OPHN1: variants seen among roughly 807,000 people sequenced by gnomAD.
The protein encoded by OPHN1 is oligophrenin-1.
In OPHN1, 11 loss-of-function variants were observed where a neutral mutation model predicts 60.7. The observed-to-expected ratio is 0.18, with a 90% CI of 0.11 to 0.30. The LOEUF (loss-of-function observed/expected upper bound fraction) is 0.30. Ranked by LOEUF, OPHN1 falls within the 10% of genes least tolerant of loss-of-function variation. The probability of loss-of-function intolerance (pLI) is 1.00; values close to 1 mark genes in which losing one functional copy is unlikely to be tolerated. For missense variants in OPHN1, 449 were observed against 611.0 expected (o/e 0.73, Z 2.80); for synonymous variants, 226 against 222.6 (o/e 1.02, Z -0.14).
chrX:68,259,165 T>C (rs1372025186), intron 5 of OPHN1, among the ~76,000 whole-genome samples: 1 of 111,783 alleles, frequency 8.9e-6, no homozygotes, highest in Non-Finnish European at 1.9e-5. Flanking sequence ...CATCCATCAA[T>C]AAGAGAATGA....
chrX:68,190,323 A>C (rs1023220101), intron 15 of OPHN1, among the ~76,000 whole-genome samples: 4 of 112,456 alleles, frequency 3.6e-5, no homozygotes, highest in Non-Finnish European at 7.5e-5. Context: ...ACAATGATTG[A>C]TGCCCGGGTA....
intron 15 of OPHN1, among the ~76,000 whole-genome samples, chrX:68,167,707 G>A (rs748016909): frequency 5.1e-5 from 4 of 77,954 alleles, no homozygotes; most frequent in Admixed American, 3.7e-4. Context: ...ACACATATGT[G>A]TATATGTGTG....
In OPHN1 at chrX:68,216,434, TAG is replaced by T. The variant is rs79732396; in HGVS notation, c.487-2464_487-2463del. On this transcript the variant is annotated intron_variant, in intron 6 of 24. Coordinates refer to ENST00000355520, the MANE Select transcript of OPHN1 (RefSeq NM_002547.3). The stretch of plus-strand genomic sequence containing the variant: ...TCAGTGATCTAAAAAAATTAAAAGA[TAG>T]ACTGTCATAGTGCACAAAAATTAAG... 1.2e-3 allele frequency among the ~76,000 whole-genome samples: 136 copies of T among 110,968 alleles called. 2 individuals carry two copies. The East Asian group carries it at 0.037, about 30-fold the overall frequency.
chrX:68,152,417 C>G (rs2077288800), intron 15 of OPHN1, among the ~76,000 whole-genome samples: 1 of 110,335 alleles, frequency 9.1e-6, no homozygotes, highest in Non-Finnish European at 1.9e-5. Context: ...CAGACCCTTT[C>G]TTCATTGTCC....
At chrX:68,216,993 C>A (rs1358663983) in intron 6 of OPHN1, among the ~76,000 whole-genome samples, 1 of 111,928 alleles carries the variant, frequency 8.9e-6, no homozygotes, top group Non-Finnish European at 1.9e-5. Context: ...AGACGGGTGA[C>A]TTCTGCATTT....
At chrX:68,104,193 T>C (rs2077071873) in intron 18 of OPHN1, among the ~76,000 whole-genome samples, 1 of 111,844 alleles carries the variant, frequency 8.9e-6, no homozygotes, top group Non-Finnish European at 1.9e-5. Flanking sequence ...AAACATTCCA[T>C]GCTCATGGAT....
At chrX:68,404,494 T>C (rs2147770894) in intron 2 of OPHN1, among the ~76,000 whole-genome samples, 1 of 111,218 alleles carries the variant, frequency 9.0e-6, no homozygotes, top group African/African-American at 3.3e-5. Flanking sequence ...AATCCAGCAA[T>C]CCCACTTCTG....
chrX:68,127,164 T>G (rs760006109), intron 15 of OPHN1, among the ~76,000 whole-genome samples: 1 of 110,805 alleles, frequency 9.0e-6, no homozygotes, highest in African/African-American at 3.3e-5. Flanking sequence ...GTTATTAGGT[T>G]TAGGAAAAGT....
chrX:68,262,829 AAGGAC>A (rs4020603), intron 5 of OPHN1, among the ~76,000 whole-genome samples: 3,602 of 97,997 alleles, frequency 0.037, 117 homozygotes, highest in African/African-American at 0.093. Flanking sequence ...CAAGAAAGGA[AAGGAC>A]AGGACAGGAC....
chrX:68,082,683 G>C (rs1416360074), intron 19 of OPHN1, among the ~76,000 whole-genome samples: 8 of 112,156 alleles, frequency 7.1e-5, no homozygotes, highest in African/African-American at 2.6e-4. Context: ...CACATATGGA[G>C]CATGGGCAGA....
chrX:68,196,720 A>T (rs765162212), intron 12 of OPHN1, among the ~76,000 whole-genome samples: 5 of 112,206 alleles, frequency 4.5e-5, no homozygotes, highest in African/African-American at 1.3e-4. Context: ...TGTACCCTCA[A>T]AGAGAATAAG....
At chrX:68,185,200 T>TTAAC (rs1417913450) in intron 15 of OPHN1, among the ~76,000 whole-genome samples, 5 of 112,476 alleles carry the variant, frequency 4.4e-5, no homozygotes, top group African/African-American at 1.3e-4. Flanking sequence ...TCTGCAGAGA[T>TTAAC]TAACAAAAGC....
intron 4 of OPHN1, among the ~76,000 whole-genome samples, chrX:68,280,181 A>T (rs2078013239): frequency 8.9e-6 from 1 of 111,825 alleles, no homozygotes; most frequent in Non-Finnish European, 1.9e-5. Flanking sequence ...TTTTAAACTA[A>T]GAAAATTCCC....
At chrX:68,148,292 C>A (rs924125587) in intron 15 of OPHN1, among the ~76,000 whole-genome samples, 14 of 111,270 alleles carry the variant, frequency 1.3e-4, no homozygotes, top group Non-Finnish European at 3.8e-5. Context: ...TATCCCAAAG[C>A]TAGTCTGTTC....
intron 19 of OPHN1, among the ~76,000 whole-genome samples, chrX:68,074,516 C>T (rs1422440827): frequency 9.0e-6 from 1 of 111,336 alleles, no homozygotes; most frequent in Non-Finnish European, 1.9e-5. Flanking sequence ...TTTTCGAATA[C>T]ATGAGGTCGT....
rs186163129 is a variant in OPHN1, at chrX:68,362,761, C to A, written c.155-63665G>T. Among the ~76,000 whole-genome samples the A allele has an allele frequency of 3.9e-3, 429 of 110,999 alleles. 1 individual carries two copies. Among genetic ancestry groups the A allele is most frequent in the African/African-American group, 0.014 (417 of 30,520 alleles). On this transcript the variant is annotated intron_variant, in intron 2 of 24. Coordinates refer to ENST00000355520, the MANE Select transcript of OPHN1 (RefSeq NM_002547.3). ...TTGTCAAAAGTCTTAGCATGTAATT[C>A]AAAGTGTGAATTCTAATGTAAACTA...
chrX:68,168,878 C>G (rs938289809), intron 15 of OPHN1, among the ~76,000 whole-genome samples: 2 of 111,527 alleles, frequency 1.8e-5, no homozygotes, highest in African/African-American at 6.5e-5. Flanking sequence ...ACAAACACCT[C>G]TACGCAAATA....
chrX:68,381,221 A>G (rs1268385435), intron 2 of OPHN1, among the ~76,000 whole-genome samples: 2 of 111,767 alleles, frequency 1.8e-5, no homozygotes, highest in Admixed American at 9.5e-5. Flanking sequence ...AAATCCAAAT[A>G]TGTAGCCACT....
At chrX:68,105,513 T>C (rs1244379284) in intron 18 of OPHN1, among the ~76,000 whole-genome samples, 1 of 110,060 alleles carries the variant, frequency 9.1e-6, no homozygotes, top group Non-Finnish European at 1.9e-5. Context: ...TGCAGGGACA[T>C]GGATGAAGCT....
Sources: allele counts gnomAD v4.1 joint callset (sites outside exome capture counted in the v4.1 genomes callset), GRCh38; gene constraint gnomAD v4.1.1; transcripts MANE v1.5; gene names NCBI Gene and HGNC (gene_info 2026-07-23, HGNC 2026-07-21).